The following ZNF329 variants were observed in gnomAD, a reference collection of about 807,000 sequenced individuals.
ZNF329 encodes the protein zinc finger protein 329.
A neutral mutation model predicts 26.6 loss-of-function variants in ZNF329; 15 were observed. The ratio of observed to expected loss-of-function variants is 0.56; its 90% CI spans 0.38 to 0.87. ZNF329 has a LOEUF of 0.87. Ranked by LOEUF, ZNF329 falls within the 40% of genes least tolerant of loss-of-function variation. The pLI is 0.00. For missense variants in ZNF329, 651 were observed against 651.9 expected (o/e 1.00, Z 0.02); for synonymous variants, 239 against 233.5 (o/e 1.02, Z -0.21).
chr19:58,127,883 T>C lies in ZNF329; in HGVS notation c.1621A>G (p.Thr541Ala). 6.3e-7 allele frequency: 1 copy of C among 1,580,916 alleles called. No homozygotes were observed. Among genetic ancestry groups the C allele is most frequent in the Non-Finnish European group, 8.6e-7 (1 of 1,162,576 alleles). The change falls in exon 4 of 4, where the codon ACA becomes GCA. Residue 541 changes from threonine (T) to alanine (A), a missense_variant. Transcript: ENST00000598312. ...ACTCATGTGGCCCCCAACCATTATG[T>C]TTCCATGGGTTGCTCTCCCAGGTGT... ...RAHLGEQPMET is the reference protein window; with the variant it reads ...RAHLGEQPMEA
At chr19:58,133,274 G>A (rs2074989085) in intron 3 of ZNF329, among the ~76,000 whole-genome samples, 1 of 152,176 alleles carries the variant, frequency 6.6e-6, no homozygotes, top group South Asian at 2.1e-4. Flanking sequence ...TATTGTTCAA[G>A]AGCAAAGGTG....
Position 58,127,374 on chromosome 19 carries a change from C to G in ZNF329, c.*504G>C, listed in dbSNP as rs1449750433. 3 of 152,326 alleles carry G rather than the reference C, an allele frequency of 2.0e-5. No homozygotes were observed. The highest frequency in any genetic ancestry group is 7.3e-5 in the African/African-American group (3 of 41,336). 9.4% of individuals were successfully genotyped at this position (152,326 alleles called of 1,614,324 possible). A position where few individuals can be genotyped will look rare whatever the true frequency, so the allele number is the denominator to read the frequency against. ...AAAATTAGCCAGGCATGGTGGCAGG[C>G]ACCTGTAATCCTAGCTACTTTGGAG... On this transcript the variant is annotated 3_prime_UTR_variant, in exon 4 of 4. Transcript: ENST00000598312.
chr19:58,129,217 G>C lies in ZNF329; in HGVS notation c.287C>G (p.Ser96Ter). The C allele has an allele frequency of 6.2e-7, 1 of 1,614,172 alleles. No individual in the cohort carries two copies. The highest frequency in any genetic ancestry group is 8.5e-7 in the Non-Finnish European group (1 of 1,180,038). ...LATNGFHAPD[S>*]NVSGLDCDPA... Reference sequence around the variant, plus strand: ...GTCACAATCCAGACCACTAACATTTGAGTCAGGTGCATGGAAACCATTTGT... The same window carrying C: ...GTCACAATCCAGACCACTAACATTTCAGTCAGGTGCATGGAAACCATTTGT... The change falls in exon 4 of 4, where the codon TCA becomes TGA. Residue 96 changes from serine (S) to a stop codon, truncating the protein, a stop_gained. Transcript: ENST00000598312. LOFTEE classifies it high-confidence loss of function.
intron 3 of ZNF329, among the ~76,000 whole-genome samples, chr19:58,134,859 C>G (rs1203819698): frequency 6.6e-6 from 1 of 152,154 alleles, no homozygotes; most frequent in Non-Finnish European, 1.5e-5. Flanking sequence ...TTGCTTGAAT[C>G]TGGGAGACAG....
intron 3 of ZNF329, among the ~76,000 whole-genome samples, chr19:58,140,026 C>T (rs1367221356): frequency 6.6e-6 from 1 of 152,180 alleles, no homozygotes; most frequent in Non-Finnish European, 1.5e-5. Context: ...TATTCCACTG[C>T]TACGGTTTGG....
intron 1 of ZNF329, among the ~76,000 whole-genome samples, chr19:58,143,697 A>C (rs1324262112): frequency 1.3e-5 from 2 of 152,224 alleles, no homozygotes; most frequent in Non-Finnish European, 2.9e-5. Flanking sequence ...AGATGGAAAA[A>C]TAATTACAAT....
intron 1 of ZNF329, among the ~76,000 whole-genome samples, chr19:58,147,166 C>T (rs1327737668): frequency 6.6e-6 from 1 of 151,556 alleles, no homozygotes; most frequent in African/African-American, 2.4e-5. Flanking sequence ...CCCCGCCGCC[C>T]CATCTGGGAT....
intron 1 of ZNF329, among the ~76,000 whole-genome samples, chr19:58,147,766 G>A (rs551386862): frequency 3.4e-5 from 1 of 29,372 alleles, no homozygotes; most frequent in Non-Finnish European, 6.8e-5. Context: ...CCGGGAGGGA[G>A]GTGGGGGGGG....
At chr19:58,148,224 A>C (rs182168489) in intron 1 of ZNF329, among the ~76,000 whole-genome samples, 2 of 151,070 alleles carry the variant, frequency 1.3e-5, no homozygotes, top group African/African-American at 4.9e-5. Flanking sequence ...ACCACTCCCT[A>C]ATCTCAAGTA....
In ZNF329 at chr19:58,129,599, T is replaced by C. The variant is rs1245770157; in HGVS notation, c.-8-88A>G. 6 of 1,162,498 alleles carry C rather than the reference T, an allele frequency of 5.2e-6. No individual in the cohort carries two copies. In the Admixed American group the frequency reaches 1.2e-4, roughly 24 times the overall value. 72.0% of individuals were successfully genotyped at this position (1,162,498 alleles called of 1,614,324 possible). ...AATGATGATGGGCTAGGTGTAAAGA[T>C]GTGTATTTTTTTACTTGTTTTCTCT... On this transcript the variant is annotated intron_variant, in intron 3 of 3. Coordinates refer to ENST00000598312, the MANE Select transcript of ZNF329 (RefSeq NM_024620.4).
At position 58,129,290 on chromosome 19, in the gene ZNF329, G is replaced by A. The variant is rs1379624976; in HGVS notation, c.214C>T (p.His72Tyr). The A allele has an allele frequency of 1.2e-6, 2 of 1,614,074 alleles. No homozygotes were observed. Among genetic ancestry groups the A allele is most frequent in the Non-Finnish European group, 8.5e-7 (1 of 1,180,038 alleles). The change falls in exon 4 of 4, where the codon CAT becomes TAT. Residue 72 changes from histidine to tyrosine, a missense_variant. Coordinates refer to ENST00000598312, the MANE Select transcript of ZNF329 (RefSeq NM_024620.4). The stretch of plus-strand genomic sequence containing the variant: ...GGAAGGTCTGAGCTTGCAATCAAAT[G>A]CTCCCCAAAACCAGGATATTCACAA... ...AICEYPGFGE[H>Y]LIASSDLPPS... is the part of the protein sequence containing the mutation.
At chr19:58,150,189 C>T (rs1315266966) in intron 1 of ZNF329, among the ~76,000 whole-genome samples, 1 of 152,184 alleles carries the variant, frequency 6.6e-6, no homozygotes, top group Admixed American at 6.5e-5. Context: ...AAATGCGGCC[C>T]TCACTGAGAA....
At chr19:58,149,664 A>C (rs1457312122) in intron 1 of ZNF329, among the ~76,000 whole-genome samples, 1 of 152,108 alleles carries the variant, frequency 6.6e-6, no homozygotes, top group Non-Finnish European at 1.5e-5. Flanking sequence ...ACAGACAAAA[A>C]CTGGGTATTC....
intron 1 of ZNF329, among the ~76,000 whole-genome samples, chr19:58,143,618 A>T (rs996514199): frequency 2.0e-5 from 3 of 152,198 alleles, no homozygotes; most frequent in Non-Finnish European, 4.4e-5. Flanking sequence ...GAGGCATTTA[A>T]TAATTTAAAA....
rs1049126761 is a variant in ZNF329 at position 58,126,337 on chromosome 19, C to G, written c.*1541G>C. The G allele has an allele frequency of 6.6e-6, 1 of 152,138 alleles. No homozygotes were observed. The highest frequency in any genetic ancestry group is 2.4e-5 in the African/African-American group (1 of 41,426). 9.4% of individuals were successfully genotyped at this position (152,138 alleles called of 1,614,324 possible). On this transcript the variant is annotated 3_prime_UTR_variant, in exon 4 of 4. Coordinates refer to ENST00000598312, the MANE Select transcript of ZNF329 (RefSeq NM_024620.4). The stretch of plus-strand genomic sequence containing the variant: ...AAAATATGATACAAAATTCCAGTCC[C>G]CAAAGAAAACCACATTTTATTTCTC...
At chr19:58,132,865 T>G (rs896744972) in intron 3 of ZNF329, among the ~76,000 whole-genome samples, 1 of 151,652 alleles carries the variant, frequency 6.6e-6, no homozygotes, top group East Asian at 2.0e-4. Flanking sequence ...CAGGCTGGAG[T>G]GCAGTGGTGC....
At chr19:58,147,435 C>G (rs1467574127) in intron 1 of ZNF329, among the ~76,000 whole-genome samples, 1 of 148,890 alleles carries the variant, frequency 6.7e-6, no homozygotes, top group South Asian at 2.1e-4. Context: ...GCCAGCCCCC[C>G]GCCCGGCCAG....
intron 1 of ZNF329, among the ~76,000 whole-genome samples, chr19:58,147,097 G>C (rs1218960025): frequency 1.3e-5 from 2 of 151,762 alleles, no homozygotes; most frequent in South Asian, 2.1e-4. Flanking sequence ...ATCCCATCTA[G>C]GAAGTGAGGA....
chr19:58,144,138 G>C (rs1300587896), intron 1 of ZNF329, among the ~76,000 whole-genome samples: 1 of 151,806 alleles, frequency 6.6e-6, no homozygotes, highest in Admixed American at 6.6e-5. Flanking sequence ...AGTTATCAGA[G>C]TAGAAAAAAA....
Sources: allele counts gnomAD v4.1 joint callset (sites outside exome capture counted in the v4.1 genomes callset), GRCh38; gene constraint gnomAD v4.1.1; transcripts MANE v1.5; gene names NCBI Gene and HGNC (gene_info 2026-07-23, HGNC 2026-07-21).